ASH1L: variants seen among roughly 807,000 people sequenced by gnomAD.
ASH1L encodes histone-lysine N-methyltransferase ASH1L.
Under a neutral mutation model 269.0 loss-of-function variants are expected in ASH1L, and 23 were observed. That is an observed-to-expected ratio of 0.09 (90% CI 0.06 to 0.12). The LOEUF (loss-of-function observed/expected upper bound fraction) is 0.12. Ranked by LOEUF, ASH1L falls within the 10% of genes least tolerant of loss-of-function variation. The pLI, the probability that ASH1L is intolerant of heterozygous loss-of-function variation, is 1.00. For missense variants in ASH1L, 2,912 were observed against 3,567.8 expected, an observed-to-expected ratio of 0.82 and a Z score of 4.68; for synonymous variants, 1,187 against 1,253.5, an observed-to-expected ratio of 0.95 and a Z score of 1.12.
intron 7 of ASH1L, among the ~76,000 whole-genome samples, chr1:155,386,587 T>C (rs1657451264): frequency 6.6e-6 from 1 of 150,998 alleles, no homozygotes; most frequent in African/African-American, 2.4e-5. Flanking sequence ...AGAGACGGGG[T>C]TTCACCATGT....
chr1:155,563,041 A>G (rs755778748), upstream of ASH1L: 19 of 458,434 alleles, frequency 4.1e-5, no homozygotes, highest in Non-Finnish European at 6.2e-5. Flanking sequence ...TGGAATTGCC[A>G]GAATGGCGGA....
At chr1:155,420,725 C>T (rs959416699) in intron 5 of ASH1L, among the ~76,000 whole-genome samples, 10 of 151,790 alleles carry the variant, frequency 6.6e-5, no homozygotes, top group Non-Finnish European at 1.3e-4. Context: ...TGCCAGGCAC[C>T]TGTAACCTCA....
At position 155,478,587 on chromosome 1, in the gene ASH1L, T is replaced by C; in HGVS notation, c.4283A>G (p.His1428Arg). ...AGGATTGAGAAGTAAATGACCAGCA[T>C]GCATATAGGAAGGAGGTGGAAGTGG... Reference protein sequence around the residue: ...TTPLPPPSYMHAGHLLLNPAK... With the variant: ...TTPLPPPSYMRAGHLLLNPAK... Residue 1428 changes from histidine (H) to arginine (R), a missense_variant, in exon 3 of 28, where the codon CAT becomes CGT. His to Arg is a conservative substitution (Grantham distance 29). This residue lies in a region of ASH1L where 789 missense variants were observed against 897.6 expected (regional missense o/e 0.88). Transcript: ENST00000392403. This position sits in a 1 kb window ranked among gnomAD's most constrained non-coding sequence, Gnocchi z 4.6. 6.2e-7 allele frequency: 1 copy of C among 1,613,960 alleles called. No homozygotes were observed. Among genetic ancestry groups the C allele is most frequent in the Non-Finnish European group, 8.5e-7 (1 of 1,180,000 alleles).
chr1:155,508,978 GT>G (rs1350693246), intron 2 of ASH1L, among the ~76,000 whole-genome samples: 1 of 152,000 alleles, frequency 6.6e-6, no homozygotes, highest in Non-Finnish European at 1.5e-5. Context: ...GCCTCTCAAA[GT>G]AGTCATCATC....
At chr1:155,497,184 A>T (rs573813491) in intron 2 of ASH1L, among the ~76,000 whole-genome samples, 1 of 152,334 alleles carries the variant, frequency 6.6e-6, no homozygotes, top group South Asian at 2.1e-4. Flanking sequence ...GCAGACACCC[A>T]GAAGAAGTGA....
At chr1:155,526,968 G>C (rs1262420831) in intron 1 of ASH1L, among the ~76,000 whole-genome samples, 2 of 152,228 alleles carry the variant, frequency 1.3e-5, no homozygotes, top group Non-Finnish European at 2.9e-5. Flanking sequence ...CAGTTGGGAG[G>C]CCAAGGCGGG....
chr1:155,518,755 AAG>A (rs1325788379), intron 2 of ASH1L, among the ~76,000 whole-genome samples: 1 of 148,618 alleles, frequency 6.7e-6, no homozygotes, highest in African/African-American at 2.5e-5. Flanking sequence ...AAGGGGAGGG[AAG>A]AGAGGGGGAG....
In ASH1L at chr1:155,339,858, C is replaced by T. The variant is rs149133434; in HGVS notation, c.8461-490G>A. Among the ~76,000 whole-genome samples, 405 of 152,122 alleles carry T rather than the reference C, an allele frequency of 2.7e-3. 1 individual carries two copies. The highest frequency in any genetic ancestry group is 4.5e-3 in the Admixed American group (69 of 15,284). ...CCATGGTAAGTATTGTGTATCTAAACATAGAAAAGGTATTACATTGCAGTA... is the reference window on the plus strand; with the variant it reads ...CCATGGTAAGTATTGTGTATCTAAATATAGAAAAGGTATTACATTGCAGTA... On this transcript the variant is annotated intron_variant, in intron 25 of 27. Transcript: ENST00000392403.
At chr1:155,512,297 A>T (rs1386949798) in intron 2 of ASH1L, among the ~76,000 whole-genome samples, 1 of 151,024 alleles carries the variant, frequency 6.6e-6, no homozygotes, top group African/African-American at 2.4e-5. Context: ...TGCACCTGTA[A>T]TCCCAGCTAC....
chr1:155,513,008 A>C (rs1256578657), intron 2 of ASH1L, among the ~76,000 whole-genome samples: 1 of 151,734 alleles, frequency 6.6e-6, no homozygotes, highest in Non-Finnish European at 1.5e-5. Context: ...GGCTACAGTG[A>C]GCCTAATCAC....
chr1:155,459,920 G>A, intron 3 of ASH1L, 22 bp from the exon 4 acceptor site: 2 of 1,527,794 alleles, frequency 1.3e-6, no homozygotes, highest in South Asian at 2.4e-5. Context: ...GAAAAAGATA[G>A]AAATCATAGG....
At chr1:155,430,952 C>A (rs962738853) in intron 5 of ASH1L, among the ~76,000 whole-genome samples, 1 of 151,976 alleles carries the variant, frequency 6.6e-6, no homozygotes, top group Non-Finnish European at 1.5e-5. Context: ...TGGTAGCTCA[C>A]GCCTGTAATC....
chr1:155,392,842 CTTTTTTTT>C (rs111947784), intron 7 of ASH1L, among the ~76,000 whole-genome samples: 1 of 142,842 alleles, frequency 7.0e-6, no homozygotes, highest in Non-Finnish European at 1.5e-5. Flanking sequence ...AATTCCTCGT[CTTTTTTTT>C]TTTTTGAGAT....
At chr1:155,372,241 C>G (rs1177418649) in intron 10 of ASH1L, among the ~76,000 whole-genome samples, 1 of 151,838 alleles carries the variant, frequency 6.6e-6, no homozygotes, top group Non-Finnish European at 1.5e-5. Flanking sequence ...ATCCACCCAC[C>G]TCAGCCTCCC....
intron 1 of ASH1L, among the ~76,000 whole-genome samples, chr1:155,552,223 T>C (rs1671266569): frequency 6.6e-6 from 1 of 152,028 alleles, no homozygotes; most frequent in Non-Finnish European, 1.5e-5. Flanking sequence ...TCCCAGCACT[T>C]TGGGAGGCCA....
intron 3 of ASH1L, among the ~76,000 whole-genome samples, chr1:155,468,233 T>TC (rs201413335): frequency 6.6e-6 from 1 of 150,464 alleles, no homozygotes. Flanking sequence ...TTATTATTAT[T>TC]TTTTTTTTCT....
At chr1:155,390,868 T>C (rs1278530326) in intron 7 of ASH1L, among the ~76,000 whole-genome samples, 1 of 151,556 alleles carries the variant, frequency 6.6e-6, no homozygotes, top group Non-Finnish European at 1.5e-5. Context: ...CCAGGATGGT[T>C]TCGATCTCCT....
chr1:155,411,415 C>T (rs1453080284), intron 6 of ASH1L, among the ~76,000 whole-genome samples: 1 of 150,966 alleles, frequency 6.6e-6, no homozygotes, highest in Non-Finnish European at 1.5e-5. Context: ...TGACCAGAGA[C>T]ACTTACAAAT....
rs1665795345 is a variant in ASH1L, at chr1:155,479,400, C to G, written c.3470G>C (p.Gly1157Ala). Reference protein sequence around the residue: ...QTLAMKKASKGRRRLSPPTLL... With the variant: ...QTLAMKKASKARRRLSPPTLL... ...AGTAGGAGGAGATAACCGCCTCCTC[C>G]CCTTTGAGGCCTTCTTCATTGCAAG... Residue 1157 changes from glycine to alanine, a missense_variant, in exon 3 of 28, where the codon GGG (glycine) becomes GCG (alanine). Physicochemically the swap from Gly to Ala is moderately conservative, Grantham distance 60. Around this residue, in one of 13 missense-constraint regions of ASH1L, gnomAD observed 157 missense variants for 154.6 expected, o/e 1.02. Coordinates refer to ENST00000392403, the MANE Select transcript of ASH1L (RefSeq NM_018489.3). 1 of 1,613,978 alleles carries G rather than the reference C, an allele frequency of 6.2e-7. No homozygotes were observed. The highest frequency in any genetic ancestry group is 1.7e-5 in the Admixed American group (1 of 59,980).
Sources: allele counts gnomAD v4.1 joint callset (sites outside exome capture counted in the v4.1 genomes callset), GRCh38; gene constraint gnomAD v4.1.1; regional missense constraint gnomAD v4.1.1; non-coding constraint Gnocchi (gnomAD v3.1); transcripts MANE v1.5; gene names NCBI Gene and HGNC (gene_info 2026-07-23, HGNC 2026-07-21).